CTNND2: variants seen among roughly 807,000 people sequenced by gnomAD.
The protein encoded by CTNND2 is catenin delta-2.
Under a neutral mutation model 144.4 loss-of-function variants are expected in CTNND2, and 22 were observed. That is an observed-to-expected ratio of 0.15 (90% confidence interval 0.11 to 0.22). The LOEUF (loss-of-function observed/expected upper bound fraction) is 0.22, where lower values mean the gene tolerates loss of function less well. CTNND2 is among the 10% of genes least tolerant of loss of function. The probability of loss-of-function intolerance (pLI) is 1.00; values close to 1 mark genes in which losing one functional copy is unlikely to be tolerated. For synonymous variants in CTNND2, 751 were observed against 695.6 expected, an observed-to-expected ratio of 1.08 and a Z score of -1.25; for missense variants, 1,353 against 1,618.8, an observed-to-expected ratio of 0.84 and a Z score of 2.82.
chr5:11,535,098 G>A (rs1355356446), intron 3 of CTNND2, among the ~76,000 whole-genome samples: 3 of 151,184 alleles, frequency 2.0e-5, no homozygotes, highest in Admixed American at 1.3e-4. Context: ...TGAGGCAGGA[G>A]AATGGCTTGA....
At chr5:11,331,840 C>T (rs1753169113) in intron 9 of CTNND2, among the ~76,000 whole-genome samples, 1 of 152,108 alleles carries the variant, frequency 6.6e-6, no homozygotes, top group Non-Finnish European at 1.5e-5. Context: ...GGAATAGGTT[C>T]TGGTGTTCTA....
At chr5:11,628,928 T>G (rs1477314374) in intron 2 of CTNND2, among the ~76,000 whole-genome samples, 1 of 152,174 alleles carries the variant, frequency 6.6e-6, no homozygotes. Context: ...CAGGAAAAAC[T>G]TTTTAGCAAT....
Position 11,903,159 on chromosome 5 carries a change from C to G in CTNND2, c.37+658G>C. 2.0e-6 allele frequency: 2 copies of G among 984,340 alleles called. No individual in the cohort carries two copies. Among genetic ancestry groups the G allele is most frequent in the Non-Finnish European group, 2.4e-6 (2 of 828,914 alleles). The allele number at this position is 984,340 out of a possible 1,614,324, so 61.0% of individuals were successfully genotyped here. A position where few individuals can be genotyped will look rare whatever the true frequency, so the allele number is the denominator to read the frequency against. The stretch of plus-strand genomic sequence containing the variant: ...ATCGCTCATCTCCCATACACACGCA[C>G]AGCCTTCCAAACCTGGCTTTCAGGC... On this transcript the variant is annotated intron_variant, in intron 1 of 21. Transcript: ENST00000304623. This position sits in a 1 kb window ranked among gnomAD's most constrained non-coding sequence, Gnocchi z 5.4.
Position 11,736,175 on chromosome 5 carries a change from A to G in CTNND2, c.38-3903T>C, listed in dbSNP as rs377742095. 2.6e-5 allele frequency among the ~76,000 whole-genome samples: 4 copies of G among 152,120 alleles called. No individual in the cohort carries two copies. The East Asian group carries it at 7.7e-4, about 29-fold the overall frequency. On this transcript the variant is annotated intron_variant, in intron 1 of 21. Coordinates refer to ENST00000304623, the MANE Select transcript of CTNND2 (RefSeq NM_001332.4). ...TACTGCCTCCTAATGCTACTCTACT[A>G]ACTAATTTTTATAAAATGTAACTCT...
intron 2 of CTNND2, among the ~76,000 whole-genome samples, chr5:11,651,637 G>A (rs1408610248): frequency 6.6e-6 from 1 of 152,240 alleles, no homozygotes; most frequent in South Asian, 2.1e-4. Flanking sequence ...AGCCACAGGG[G>A]TGGAGATGCC....
intron 2 of CTNND2, among the ~76,000 whole-genome samples, chr5:11,710,296 A>G (rs1444874865): frequency 6.6e-6 from 1 of 152,100 alleles, no homozygotes; most frequent in Non-Finnish European, 1.5e-5. Context: ...TAATCCCAGC[A>G]CTTTGGGAGG....
At chr5:11,490,192 A>T (rs189971453) in intron 3 of CTNND2, among the ~76,000 whole-genome samples, 2,347 of 152,280 alleles carry the variant, frequency 0.015, 56 homozygotes, top group African/African-American at 0.054. Flanking sequence ...AGATTTTTTA[A>T]AATTTTCATA....
At chr5:11,521,503 G>A (rs1772710030) in intron 3 of CTNND2, among the ~76,000 whole-genome samples, 1 of 152,122 alleles carries the variant, frequency 6.6e-6, no homozygotes, top group Non-Finnish European at 1.5e-5. Flanking sequence ...CTTAGTGAAT[G>A]CTCAATGCAT....
intron 16 of CTNND2, among the ~76,000 whole-genome samples, chr5:11,051,722 T>C (rs1561228077): frequency 1.3e-5 from 2 of 152,232 alleles, no homozygotes; most frequent in Admixed American, 1.3e-4. Flanking sequence ...AATTAGAGCA[T>C]GAATATCCAC....
chr5:11,339,606 C>A (rs1561243691), intron 9 of CTNND2, among the ~76,000 whole-genome samples: 2 of 152,112 alleles, frequency 1.3e-5, no homozygotes, highest in South Asian at 2.1e-4. Context: ...TTGTGACCCC[C>A]TAGATTTGTA....
chr5:11,882,778 T>G lies in CTNND2; in HGVS notation c.37+21039A>C, dbSNP rs560932749. 2.0e-5 allele frequency among the ~76,000 whole-genome samples: 3 copies of G among 152,294 alleles called. No individual in the cohort carries two copies. The South Asian group carries it at 6.2e-4, about 32-fold the overall frequency. ...TCTGTTCTTCTTGCTCAGGATTGCT[T>G]TGGCTACTTAGAGTCTTTTGTGGTT... On this transcript the variant is annotated intron_variant, in intron 1 of 21. Transcript: ENST00000304623.
intron 2 of CTNND2, among the ~76,000 whole-genome samples, chr5:11,693,759 G>A (rs187919774): frequency 4.6e-5 from 7 of 152,294 alleles, no homozygotes; most frequent in Admixed American, 3.9e-4. Context: ...AACACAGTAC[G>A]ATTGATTCTT....
chr5:11,157,841 C>T (rs1316339840), intron 12 of CTNND2, among the ~76,000 whole-genome samples: 3 of 152,188 alleles, frequency 2.0e-5, no homozygotes, highest in African/African-American at 4.8e-5. Flanking sequence ...CAGCAAGTGT[C>T]GAGCTGCTGT....
intron 2 of CTNND2, among the ~76,000 whole-genome samples, chr5:11,690,559 C>G (rs1357167297): frequency 6.6e-6 from 1 of 151,668 alleles, no homozygotes. Context: ...AGGTGAAACC[C>G]CGTCTCTACT....
intron 17 of CTNND2, among the ~76,000 whole-genome samples, chr5:11,022,555 T>C (rs1742367893): frequency 6.6e-6 from 1 of 152,146 alleles, no homozygotes; most frequent in East Asian, 1.9e-4. Flanking sequence ...GTCGCTGCCA[T>C]GTGGAAGGAG....
intron 3 of CTNND2, among the ~76,000 whole-genome samples, chr5:11,470,650 A>G (rs1230481415): frequency 6.6e-6 from 1 of 151,928 alleles, no homozygotes. Context: ...AGGATTCCAC[A>G]TTGCATTTAT....
chr5:11,170,033 A>G (rs6885432), intron 11 of CTNND2, among the ~76,000 whole-genome samples: 21,913 of 152,220 alleles, frequency 0.14, 2,032 homozygotes, highest in African/African-American at 0.26. Flanking sequence ...AATCACCTGC[A>G]TGTATTAACT....
At chr5:11,273,245 A>G (rs1486995524) in intron 9 of CTNND2, among the ~76,000 whole-genome samples, 9 of 152,172 alleles carry the variant, frequency 5.9e-5, no homozygotes, top group Admixed American at 2.6e-4. Flanking sequence ...CTGCATGAAA[A>G]ATAATTGTTA....
intron 2 of CTNND2, among the ~76,000 whole-genome samples, chr5:11,712,647 A>G (rs913879721): frequency 6.6e-6 from 1 of 152,174 alleles, no homozygotes; most frequent in Non-Finnish European, 1.5e-5. Context: ...ATGCTAATTC[A>G]ATAGGTATAA....
Sources: allele counts gnomAD v4.1 joint callset (sites outside exome capture counted in the v4.1 genomes callset), GRCh38; gene constraint gnomAD v4.1.1; non-coding constraint Gnocchi (gnomAD v3.1); transcripts MANE v1.5; gene names NCBI Gene and HGNC (gene_info 2026-07-23, HGNC 2026-07-21).